The following APOO variants were observed in gnomAD, a reference collection of about 807,000 sequenced individuals.
The protein encoded by APOO is MICOS complex subunit MIC26.
A neutral mutation model predicts 23.1 loss-of-function variants in APOO; 11 were observed. That is an observed-to-expected ratio of 0.48 (90% CI 0.30 to 0.79). The LOEUF is 0.79. APOO is among the 30% of genes least tolerant of loss of function. APOO has a pLI of 0.07. For synonymous variants in APOO, 59 were observed against 54.8 expected (o/e 1.08, Z -0.34); for missense variants, 160 against 142.7 (o/e 1.12, Z -0.62).
chrX:23,881,123 G>A (rs1926103731), intron 1 of APOO, among the ~76,000 whole-genome samples, 171 bp from the exon 2 acceptor site: 1 of 110,657 alleles, frequency 9.0e-6, no homozygotes, highest in South Asian at 3.8e-4. Context: ...TACCCAGGCT[G>A]CGGTGTAGTG....
At chrX:23,872,635 G>C (rs1925673046) in intron 4 of APOO, among the ~76,000 whole-genome samples, 2 of 108,204 alleles carry the variant, frequency 1.8e-5, no homozygotes, top group Non-Finnish European at 3.8e-5. Flanking sequence ...AATCACATCA[G>C]GGTAAATGAA....
chrX:23,844,537 G>C (rs954247442), intron 7 of APOO, among the ~76,000 whole-genome samples: 3 of 111,069 alleles, frequency 2.7e-5, no homozygotes, highest in African/African-American at 9.8e-5. Context: ...ACTTGCTGCA[G>C]GCTTCGACAA....
intron 1 of APOO, among the ~76,000 whole-genome samples, chrX:23,886,365 G>T (rs1378445770): frequency 5.4e-5 from 6 of 111,969 alleles, no homozygotes; most frequent in African/African-American, 9.7e-5. Context: ...ACTTTCTGGG[G>T]TGAAACAATC....
chrX:23,891,654 C>T (rs1239588364), intron 1 of APOO, among the ~76,000 whole-genome samples: 1 of 111,614 alleles, frequency 9.0e-6, no homozygotes, highest in Non-Finnish European at 1.9e-5. Context: ...GGACATGTTA[C>T]CAGGCTTTTC....
At chrX:23,877,543 G>A (rs1335464137) in intron 3 of APOO, among the ~76,000 whole-genome samples, 2 of 111,872 alleles carry the variant, frequency 1.8e-5, no homozygotes, top group Non-Finnish European at 3.8e-5. Context: ...GGAGGCCAAG[G>A]TGGACAGATC....
intron 4 of APOO, among the ~76,000 whole-genome samples, chrX:23,871,397 C>G (rs915243104): frequency 2.8e-5 from 3 of 108,134 alleles, no homozygotes; most frequent in Non-Finnish European, 5.7e-5. Context: ...GATGAATTAA[C>G]AAATGAATTT....
intron 7 of APOO, among the ~76,000 whole-genome samples, chrX:23,849,892 G>GAAA (rs532504460): frequency 1.3e-5 from 1 of 79,085 alleles, no homozygotes. Flanking sequence ...ACTCCATCTC[G>GAAA]AAAAAAAAAA....
intron 5 of APOO, among the ~76,000 whole-genome samples, chrX:23,864,855 T>G (rs187183389): frequency 1.4e-3 from 150 of 110,602 alleles, no homozygotes; most frequent in African/African-American, 4.4e-3. Flanking sequence ...CCCCATCCAC[T>G]TGAAGCAGCT....
chrX:23,859,025 G>A (rs1443967026), intron 5 of APOO, among the ~76,000 whole-genome samples: 1 of 111,228 alleles, frequency 9.0e-6, no homozygotes, highest in African/African-American at 3.3e-5. Flanking sequence ...AGGATTCCTT[G>A]ATCCCAGGAG....
intron 7 of APOO, among the ~76,000 whole-genome samples, chrX:23,852,569 G>A (rs944426064): frequency 1.3e-4 from 14 of 107,741 alleles, no homozygotes; most frequent in African/African-American, 3.1e-4. Flanking sequence ...AGCCGAGATC[G>A]TGCCACTGCG....
chrX:23,879,586 C>T (rs770663895), intron 2 of APOO, among the ~76,000 whole-genome samples: 19 of 112,567 alleles, frequency 1.7e-4, no homozygotes, highest in Non-Finnish European at 3.0e-4. Context: ...ACTTTCTCCC[C>T]ACCCACTGAC....
At chrX:23,853,613 TTTTTTTTGTTTGTTTG>T (rs986663424) in intron 7 of APOO, among the ~76,000 whole-genome samples, 1 of 95,265 alleles carries the variant, frequency 1.0e-5, no homozygotes, top group African/African-American at 5.2e-5. Flanking sequence ...CGACCGTTTT[TTTTTTTTGTTTGTTTG>T]TTTGTTTGTT....
intron 1 of APOO, among the ~76,000 whole-genome samples, chrX:23,887,229 CTTTTTTTTT>C: frequency 1.8e-5 from 1 of 54,231 alleles, no homozygotes; most frequent in East Asian, 7.8e-4. Flanking sequence ...TTCTTTTTCC[CTTTTTTTTT>C]TTTTTTTTTT....
chrX:23,882,418 T>C (rs921037618), intron 1 of APOO, among the ~76,000 whole-genome samples: 1 of 112,040 alleles, frequency 8.9e-6, no homozygotes, highest in Non-Finnish European at 1.9e-5. Context: ...ATTTCCAAGA[T>C]GCTAAATCAT....
At chrX:23,868,727 T>C in intron 4 of APOO, 39 bp from the exon 5 acceptor site, 1 of 1,114,784 alleles carries the variant, frequency 9.0e-7, no homozygotes, top group Non-Finnish European at 1.2e-6. Context: ...TCCATAAATT[T>C]CTCATTAAAA....
intron 1 of APOO, among the ~76,000 whole-genome samples, chrX:23,907,055 GA>G (rs1390239210): frequency 2.7e-5 from 3 of 112,262 alleles, no homozygotes; most frequent in Non-Finnish European, 5.6e-5. Context: ...TTAAAAAGTA[GA>G]ATAATGGCTT....
chrX:23,846,676 C>T (rs1339971935), intron 7 of APOO, among the ~76,000 whole-genome samples: 1 of 109,390 alleles, frequency 9.1e-6, no homozygotes, highest in Non-Finnish European at 1.9e-5. Flanking sequence ...CATCTGTGAC[C>T]CTGAGGACTG....
intron 7 of APOO, among the ~76,000 whole-genome samples, chrX:23,849,192 C>T (rs2146974816): frequency 9.1e-6 from 1 of 109,463 alleles, no homozygotes; most frequent in African/African-American, 3.3e-5. Flanking sequence ...CCCTCCTCGG[C>T]CTCCCAAAGT....
chrX:23,835,288 C>T (rs1923607807), intron 8 of APOO, among the ~76,000 whole-genome samples: 1 of 109,998 alleles, frequency 9.1e-6, no homozygotes, highest in Non-Finnish European at 1.9e-5. Flanking sequence ...GTCTCGAACT[C>T]CTGACCTGAG....
Sources: allele counts gnomAD v4.1 joint callset (sites outside exome capture counted in the v4.1 genomes callset), GRCh38; gene constraint gnomAD v4.1.1; transcripts MANE v1.5; gene names NCBI Gene and HGNC (gene_info 2026-07-23, HGNC 2026-07-21).